RAD50: variants seen among roughly 807,000 people sequenced by gnomAD.
RAD50 encodes RAD50 double strand break repair protein.
In RAD50, 132 loss-of-function variants were observed where a neutral mutation model predicts 168.8. The observed-to-expected ratio is 0.78, with a 90% CI of 0.68 to 0.90. The LOEUF is 0.90. Ranked by LOEUF, RAD50 falls within the 40% of genes least tolerant of loss-of-function variation. RAD50 has a pLI of 0.00. For missense variants in RAD50, 1,347 were observed against 1,534.4 expected, an observed-to-expected ratio of 0.88 and a Z score of 2.04; for synonymous variants, 525 against 497.4, an observed-to-expected ratio of 1.06 and a Z score of -0.74.
intron 19 of RAD50, among the ~76,000 whole-genome samples, chr5:132,614,812 C>T (rs1242538413): frequency 1.3e-5 from 2 of 151,252 alleles, no homozygotes; most frequent in Non-Finnish European, 2.9e-5. Flanking sequence ...AGTAGCCTTA[C>T]TTTGTGACTG....
At chr5:132,618,365 CA>C in intron 21 of RAD50, 71 bp downstream of exon 21, 1 of 1,575,018 alleles carries the variant, frequency 6.3e-7, no homozygotes. Context: ...TCTTTTCTCT[CA>C]TTTTTTTCTT....
chr5:132,595,780 G>A lies in RAD50; in HGVS notation c.2177G>A (p.Arg726His), dbSNP rs28903092. ...ESELKKKEKR[R>H]DEMLGLVPMR... ...GAGCTAAAAAAAAAGGAAAAGCGGC[G>A]TGATGAAATGCTGGGACTTGTGCCC... The change falls in exon 13 of 25, where the codon CGT (arginine) becomes CAT (histidine). Residue 726 changes from arginine to histidine, a missense_variant. Arg to His is a conservative substitution (Grantham distance 29, BLOSUM62 0). Coordinates refer to ENST00000378823, the MANE Select transcript of RAD50 (RefSeq NM_005732.4). 214 of 1,611,854 alleles carry A rather than the reference G, an allele frequency of 1.3e-4. No homozygotes were observed. Among genetic ancestry groups the A allele is most frequent in the African/African-American group, 5.5e-4 (41 of 75,006 alleles).
intron 13 of RAD50, among the ~76,000 whole-genome samples, chr5:132,599,729 A>C (rs893557432): frequency 6.4e-4 from 97 of 151,008 alleles, no homozygotes; most frequent in African/African-American, 2.1e-3. Flanking sequence ...AACCAAGAGG[A>C]CTTTTTTTTT....
intron 7 of RAD50, 143 bp downstream of exon 7, chr5:132,588,232 T>C: frequency 9.8e-7 from 1 of 1,024,232 alleles, no homozygotes; most frequent in African/African-American, 1.6e-5. Context: ...TTATATAACA[T>C]TTTTATAATG....
At chr5:132,568,399 A>G (rs973066336) in intron 2 of RAD50, among the ~76,000 whole-genome samples, 2 of 152,044 alleles carry the variant, frequency 1.3e-5, no homozygotes, top group African/African-American at 2.4e-5. Flanking sequence ...TTTTAAAGCT[A>G]TGATAGATAA....
Position 132,594,984 on chromosome 5 carries a change from G to A in RAD50, c.1909G>A (p.Asp637Asn), listed in dbSNP as rs1554098601. The A allele has an allele frequency of 6.2e-7, 1 of 1,613,818 alleles. No homozygotes were observed. Among genetic ancestry groups the A allele is most frequent in the Non-Finnish European group, 8.5e-7 (1 of 1,179,748 alleles). ...DKLFDVCGSQ[D>N]FESDLDRLKE... The stretch of plus-strand genomic sequence containing the variant: ...GCTGTTTGATGTTTGTGGTAGCCAG[G>A]ATTTTGAAAGTGATTTAGACAGGCT... Residue 637 changes from aspartate to asparagine, a missense_variant, in exon 12 of 25, where the codon GAT (aspartate) becomes AAT (asparagine). Asp to Asn is a conservative substitution (Grantham distance 23). This residue lies in a region of RAD50 where 703 missense variants were observed against 767.7 expected (regional missense o/e 0.92). Transcript: ENST00000378823.
At chr5:132,583,410 C>G (rs1254394284) in intron 5 of RAD50, among the ~76,000 whole-genome samples, 1 of 151,688 alleles carries the variant, frequency 6.6e-6, no homozygotes, top group Non-Finnish European at 1.5e-5. Flanking sequence ...TAAAATCCAC[C>G]CTTTTTAGAG....
chr5:132,645,912 C>A lies in RAD50; in HGVS notation c.*3548C>A, dbSNP rs1751838993. 1 of 151,956 alleles carries A rather than the reference C, an allele frequency of 6.6e-6. No homozygotes were observed. Among genetic ancestry groups the A allele is most frequent in the Non-Finnish European group, 1.5e-5 (1 of 68,002 alleles). 9.4% of individuals were successfully genotyped at this position (151,956 alleles called of 1,614,324 possible). A position where few individuals can be genotyped will look rare whatever the true frequency, so the allele number is the denominator to read the frequency against. On this transcript the variant is annotated 3_prime_UTR_variant, in exon 25 of 25. Coordinates refer to ENST00000378823, the MANE Select transcript of RAD50 (RefSeq NM_005732.4). ...AAAGTCTGAGCAACATAGTGACATC[C>A]CATCTTTACATAAAATTTTTAAAAA... is the stretch of plus-strand genomic sequence containing the variant.
intron 19 of RAD50, among the ~76,000 whole-genome samples, chr5:132,609,834 C>A (rs1235301445): frequency 6.6e-6 from 1 of 151,946 alleles, no homozygotes; most frequent in Non-Finnish European, 1.5e-5. Context: ...ATTCTTACTT[C>A]ATTTATTTTT....
At chr5:132,607,589 A>G (rs1751007552) in intron 16 of RAD50, among the ~76,000 whole-genome samples, 1 of 152,320 alleles carries the variant, frequency 6.6e-6, no homozygotes, top group South Asian at 2.1e-4. Flanking sequence ...ATAATATAAA[A>G]TAGTACTTGC....
intron 2 of RAD50, among the ~76,000 whole-genome samples, chr5:132,560,117 C>G (rs887949091): frequency 5.8e-4 from 88 of 151,920 alleles, no homozygotes; most frequent in African/African-American, 1.9e-3. Flanking sequence ...GGGTCATGTG[C>G]CTCTCTAGCC....
Position 132,579,977 on chromosome 5 carries a change from A to G in RAD50, c.667A>G (p.Ile223Val), listed in dbSNP as rs786203061. Residue 223 changes from isoleucine to valine, a missense_variant, in exon 5 of 25, where the codon ATT (isoleucine) becomes GTT (valine). Ile to Val is a conservative substitution (Grantham distance 29, BLOSUM62 3). Around this residue, in one of 3 missense-constraint regions of RAD50, gnomAD observed 703 missense variants for 767.7 expected, o/e 0.92. Transcript: ENST00000378823. ...GCAATATAAGGAAAAAGCTTGTGAG[A>G]TTCGTGATCAGATTACAAGTAAGGA... ...LKQYKEKACE[I>V]RDQITSKEAQ... The G allele has an allele frequency of 5.0e-6, 8 of 1,612,946 alleles. No homozygotes were observed. Among genetic ancestry groups the G allele is most frequent in the Non-Finnish European group, 5.1e-6 (6 of 1,179,004 alleles).
chr5:132,592,117 A>T, intron 11 of RAD50, 83 bp downstream of exon 11: 1 of 1,398,040 alleles, frequency 7.2e-7, no homozygotes, highest in Non-Finnish European at 1.0e-6. Flanking sequence ...ATTTATTGTC[A>T]TGAAATGGTA....
At chr5:132,640,159 G>T (rs1350864595) in intron 23 of RAD50, among the ~76,000 whole-genome samples, 1 of 152,114 alleles carries the variant, frequency 6.6e-6, no homozygotes, top group Non-Finnish European at 1.5e-5. Context: ...CTGATACTTT[G>T]ACCTAGGATT....
intron 13 of RAD50, among the ~76,000 whole-genome samples, chr5:132,602,303 T>C (rs1328218821): frequency 6.6e-6 from 1 of 152,188 alleles, no homozygotes; most frequent in Non-Finnish European, 1.5e-5. Context: ...GTTTAATTTA[T>C]TCTACTGCTT....
chr5:132,638,989 A>T (rs1751655075), intron 23 of RAD50, among the ~76,000 whole-genome samples: 1 of 152,244 alleles, frequency 6.6e-6, no homozygotes, highest in South Asian at 2.1e-4. Flanking sequence ...TTTTTTAAAT[A>T]AAATTCTAAA....
chr5:132,565,839 C>T (rs964027917), intron 2 of RAD50, among the ~76,000 whole-genome samples: 9 of 152,166 alleles, frequency 5.9e-5, no homozygotes, highest in African/African-American at 2.2e-4. Context: ...GTGGATTCCT[C>T]TTTCATCCTG....
intron 21 of RAD50, among the ~76,000 whole-genome samples, chr5:132,634,681 C>T (rs748837348): frequency 3.9e-5 from 6 of 152,052 alleles, no homozygotes; most frequent in African/African-American, 7.2e-5. Context: ...AAATTTGATG[C>T]TTGCTGTGGA....
chr5:132,583,690 C>CT (rs35842753), intron 5 of RAD50, among the ~76,000 whole-genome samples: 2,414 of 117,626 alleles, frequency 0.021, 43 homozygotes, highest in Non-Finnish European at 0.026. Flanking sequence ...TAATTCATTC[C>CT]TTTTTTTTTT....
Sources: allele counts gnomAD v4.1 joint callset (sites outside exome capture counted in the v4.1 genomes callset), GRCh38; gene constraint gnomAD v4.1.1; regional missense constraint gnomAD v4.1.1; transcripts MANE v1.5; gene names NCBI Gene and HGNC (gene_info 2026-07-23, HGNC 2026-07-21).